Variants in ATP11B observed in about 807,000 individuals in gnomAD.
The protein encoded by ATP11B is ATPase phospholipid transporting 11B (putative), also known as phospholipid-transporting ATPase IF.
In ATP11B, 81 loss-of-function variants were observed where a neutral mutation model predicts 157.8. The ratio of observed to expected loss-of-function variants is 0.51; its 90% CI spans 0.43 to 0.62. The LOEUF is 0.62. ATP11B is among the 20% of genes least tolerant of loss of function. The probability of loss-of-function intolerance (pLI) is 0.00; values close to 1 mark genes in which losing one functional copy is unlikely to be tolerated. For synonymous variants in ATP11B, 451 were observed against 469.4 expected (o/e 0.96, Z 0.51); for missense variants, 1,165 against 1,402.2 (o/e 0.83, Z 2.70).
chr3:182,911,588 A>G (rs546473723), intron 28 of ATP11B, among the ~76,000 whole-genome samples: 3 of 152,150 alleles, frequency 2.0e-5, no homozygotes, highest in Admixed American at 6.5e-5. Context: ...CAGTGAGACA[A>G]TCCATGAGAA....
chr3:182,812,435 G>C (rs1300992914), intron 1 of ATP11B, among the ~76,000 whole-genome samples: 3 of 152,184 alleles, frequency 2.0e-5, no homozygotes, highest in Non-Finnish European at 2.9e-5. Flanking sequence ...CCAGACAGTG[G>C]TTAACTGGAT....
intron 3 of ATP11B, among the ~76,000 whole-genome samples, chr3:182,828,865 T>C (rs1717915140): frequency 6.6e-6 from 1 of 152,102 alleles, no homozygotes; most frequent in Non-Finnish European, 1.5e-5. Context: ...AAAGAAGTTA[T>C]TCTTTTCCGA....
chr3:182,815,988 T>G (rs1716946923), intron 1 of ATP11B, among the ~76,000 whole-genome samples: 2 of 152,176 alleles, frequency 1.3e-5, no homozygotes, highest in Admixed American at 1.3e-4. Flanking sequence ...CAGGTCTCAT[T>G]CAGTTTGGTT....
chr3:182,828,977 A>G (rs7632474), intron 3 of ATP11B, among the ~76,000 whole-genome samples: 5,298 of 152,214 alleles, frequency 0.035, 315 homozygotes, highest in African/African-American at 0.12. Flanking sequence ...TTGTCAAATA[A>G]TCATTTTAAT....
chr3:182,814,352 A>T (rs911658659), intron 1 of ATP11B, among the ~76,000 whole-genome samples: 7 of 151,968 alleles, frequency 4.6e-5, no homozygotes, highest in Non-Finnish European at 7.4e-5. Flanking sequence ...GGCGTGAGCC[A>T]CTGTGCCCAG....
At chr3:182,835,963 T>C in intron 4 of ATP11B, 72 bp from the exon 5 acceptor site, 1 of 1,338,166 alleles carries the variant, frequency 7.5e-7, no homozygotes, top group Non-Finnish European at 1.0e-6. Flanking sequence ...TTTTTGAGTT[T>C]TTTTTCTTAT....
chr3:182,883,084 C>G (rs1485983954), intron 21 of ATP11B, among the ~76,000 whole-genome samples: 2 of 152,146 alleles, frequency 1.3e-5, no homozygotes, highest in Middle Eastern at 3.4e-3. Flanking sequence ...TTGGTATACC[C>G]TGCATTATTA....
chr3:182,811,650 A>C lies in ATP11B; in HGVS notation c.28-8610A>C, dbSNP rs554762775. Among the ~76,000 whole-genome samples the C allele has an allele frequency of 1.1e-4, 16 of 152,320 alleles. No individual in the cohort carries two copies. The East Asian group carries it at 1.2e-3, about 11-fold the overall frequency. ...TGAGAATAGCAACCAATCGGAAAAT[A>C]ATAGGTGGATAGAAAAGCCTGTAGA... On this transcript the variant is annotated intron_variant, in intron 1 of 29. Coordinates refer to ENST00000323116, the MANE Select transcript of ATP11B (RefSeq NM_014616.3).
rs1724962635 is a variant in ATP11B, at chr3:182,913,846, C to T, written c.3319-15C>T. On this transcript the variant is annotated splice_polypyrimidine_tract_variant and intron_variant, in intron 28 of 29. Transcript: ENST00000323116. Reference sequence around the variant, plus strand: ...ATCTTTAAACAACTGATGTTTTCTGCTTCACCTCCCGCAGCTTACTGAAAC... The same window carrying T: ...ATCTTTAAACAACTGATGTTTTCTGTTTCACCTCCCGCAGCTTACTGAAAC... 2.5e-6 allele frequency: 4 copies of T among 1,614,000 alleles called. No homozygotes were observed. Among genetic ancestry groups the T allele is most frequent in the Non-Finnish European group, 3.4e-6 (4 of 1,179,874 alleles).
intron 28 of ATP11B, among the ~76,000 whole-genome samples, chr3:182,906,885 G>A (rs1161361062): frequency 2.6e-5 from 4 of 151,756 alleles, no homozygotes; most frequent in Non-Finnish European, 5.9e-5. Context: ...TCAGGAGACC[G>A]AGACCATCCT....
At chr3:182,840,996 C>A (rs886530388) in intron 7 of ATP11B, among the ~76,000 whole-genome samples, 1 of 152,012 alleles carries the variant, frequency 6.6e-6, no homozygotes, top group Non-Finnish European at 1.5e-5. Flanking sequence ...ATCCCCCATC[C>A]CCAACCTTTC....
chr3:182,914,934 G>C, intron 29 of ATP11B: 1 of 985,374 alleles, frequency 1.0e-6, no homozygotes, highest in Non-Finnish European at 1.2e-6. Context: ...GGCAGGGAGA[G>C]ATGTTGGTTG....
intron 15 of ATP11B, among the ~76,000 whole-genome samples, 157 bp downstream of exon 15, chr3:182,867,601 T>TTG (rs60473101): frequency 6.7e-6 from 1 of 149,564 alleles, no homozygotes; most frequent in Non-Finnish European, 1.5e-5. Context: ...TTTTTTTTTT[T>TTG]GAGACAGAAT....
chr3:182,804,628 T>TA (rs1182282365), intron 1 of ATP11B, among the ~76,000 whole-genome samples: 1 of 152,216 alleles, frequency 6.6e-6, no homozygotes, highest in Non-Finnish European at 1.5e-5. Context: ...TTTATTGAGA[T>TA]ACAACTCACA....
intron 28 of ATP11B, among the ~76,000 whole-genome samples, chr3:182,901,871 A>G (rs1388750675): frequency 1.3e-5 from 2 of 152,162 alleles, no homozygotes; most frequent in African/African-American, 4.8e-5. Context: ...TGTACAGTGC[A>G]TCAATCATTT....
rs1725425331 is a variant in ATP11B, at chr3:182,920,727, TCAG to T, written c.*2627_*2629del. On this transcript the variant is annotated 3_prime_UTR_variant, in exon 30 of 30. Transcript: ENST00000323116. ...AGTGACTCAGCACCCTGCCTCAGCT[TCAG>T]CAGGCGTAGGCTCACCCTGGGCGGA... 2 of 152,256 alleles carry T rather than the reference TCAG, an allele frequency of 1.3e-5. No individual in the cohort carries two copies. The highest frequency in any genetic ancestry group is 4.8e-5 in the African/African-American group (2 of 41,452). The allele number at this position is 152,256 out of a possible 1,614,324, so 9.4% of individuals were successfully genotyped here. A position where few individuals can be genotyped will look rare whatever the true frequency, so the allele number is the denominator to read the frequency against.
chr3:182,840,957 G>A (rs1474541088), intron 7 of ATP11B, among the ~76,000 whole-genome samples: 1 of 152,080 alleles, frequency 6.6e-6, no homozygotes, highest in African/African-American at 2.4e-5. Flanking sequence ...AAGCCCATAT[G>A]TCTATAACCA....
Position 182,845,477 on chromosome 3 carries a change from C to G in ATP11B, c.724C>G (p.Leu242Val). The G allele has an allele frequency of 6.3e-7, 1 of 1,599,694 alleles. No homozygotes were observed. The highest frequency in any genetic ancestry group is 8.5e-7 in the Non-Finnish European group (1 of 1,176,716). Reference protein sequence around the residue: ...EIVRPLGPESLLLRGARLKNT... With the variant: ...EIVRPLGPESVLLRGARLKNT... ...TCCTAGACCTCTGGGGCCGGAGAGT[C>G]TCCTGCTTCGTGGAGCCAGATTAAA... Residue 242 changes from leucine to valine, a missense_variant, in exon 9 of 30, where the codon CTC (leucine) becomes GTC (valine). Leu to Val is a conservative substitution (Grantham distance 32, BLOSUM62 1). Coordinates refer to ENST00000323116, the MANE Select transcript of ATP11B (RefSeq NM_014616.3).
intron 12 of ATP11B, among the ~76,000 whole-genome samples, chr3:182,862,009 G>A (rs1720878582): frequency 6.6e-6 from 1 of 151,896 alleles, no homozygotes. Flanking sequence ...ACTTTGGGAG[G>A]CCAAGGTGGG....
Sources: allele counts gnomAD v4.1 joint callset (sites outside exome capture counted in the v4.1 genomes callset), GRCh38; gene constraint gnomAD v4.1.1; transcripts MANE v1.5; gene names NCBI Gene and HGNC (gene_info 2026-07-23, HGNC 2026-07-21).